Variants in EPB41L2 observed in about 807,000 individuals in gnomAD.
The protein encoded by EPB41L2 is erythrocyte membrane protein band 4.1 like 2, also known as band 4.1-like protein 2.
In EPB41L2, 43 loss-of-function variants were observed where a neutral mutation model predicts 113.0. The ratio of observed to expected loss-of-function variants is 0.38; its 90% CI spans 0.30 to 0.49. EPB41L2 has a LOEUF of 0.49. Ranked by LOEUF, EPB41L2 falls within the 20% of genes least tolerant of loss-of-function variation. The pLI is 0.95. For synonymous variants in EPB41L2, 442 were observed against 436.7 expected, an observed-to-expected ratio of 1.01 and a Z score of -0.15; for missense variants, 1,147 against 1,223.4, an observed-to-expected ratio of 0.94 and a Z score of 0.93.
At chr6:131,023,127 A>C in intron 1 of EPB41L2, among the ~76,000 whole-genome samples, 1 of 152,362 alleles carries the variant, frequency 6.6e-6, no homozygotes, top group East Asian at 1.9e-4. Context: ...AATTTTACAT[A>C]AAGTTTCATA....
chr6:130,862,801 T>C (rs1782572534), intron 18 of EPB41L2, among the ~76,000 whole-genome samples: 2 of 152,190 alleles, frequency 1.3e-5, no homozygotes, highest in South Asian at 4.1e-4. Context: ...GGAATTTTGT[T>C]CTCTAAAATT....
At chr6:130,879,347 T>C (rs567649425) in intron 13 of EPB41L2, among the ~76,000 whole-genome samples, 2 of 152,318 alleles carry the variant, frequency 1.3e-5, no homozygotes, top group South Asian at 4.1e-4. Context: ...CAAAGCAATG[T>C]TACTTATTAC....
rs371088370 is a variant in EPB41L2, at chr6:130,924,201, T to C, written c.810+2404A>G. 1.9e-3 allele frequency among the ~76,000 whole-genome samples: 294 copies of C among 152,338 alleles called. 7 individuals are homozygous for C. The South Asian group carries it at 0.058, about 30-fold the overall frequency. On this transcript the variant is annotated intron_variant, in intron 4 of 19. Transcript: ENST00000337057. ...TAGGTATTGATATGTACATACATAT[T>C]CCATTGTATGTATACACCACATTTT...
At chr6:130,961,432 A>C (rs1256716594) in intron 1 of EPB41L2, among the ~76,000 whole-genome samples, 2 of 152,228 alleles carry the variant, frequency 1.3e-5, no homozygotes, top group East Asian at 3.8e-4. Context: ...TGTGTTACAT[A>C]AACCCATTCT....
chr6:130,844,788 A>G (rs1776491394), intron 19 of EPB41L2, among the ~76,000 whole-genome samples: 1 of 152,118 alleles, frequency 6.6e-6, no homozygotes, highest in Non-Finnish European at 1.5e-5. Flanking sequence ...CACTCCTGTA[A>G]TCCCAGCACT....
intron 1 of EPB41L2, among the ~76,000 whole-genome samples, chr6:131,007,356 A>G (rs1490462357): frequency 1.3e-5 from 2 of 152,220 alleles, no homozygotes; most frequent in Non-Finnish European, 2.9e-5. Flanking sequence ...AGGCTTCCCC[A>G]GCCAAATGGA....
At chr6:130,977,442 T>C (rs1472148799) in intron 1 of EPB41L2, among the ~76,000 whole-genome samples, 1 of 152,068 alleles carries the variant, frequency 6.6e-6, no homozygotes, top group Non-Finnish European at 1.5e-5. Context: ...TGTAGCAAAC[T>C]GTCCTGCCTG....
At chr6:130,887,299 T>C (rs908648874) in intron 11 of EPB41L2, among the ~76,000 whole-genome samples, 6 of 152,350 alleles carry the variant, frequency 3.9e-5, no homozygotes, top group East Asian at 1.9e-4. Context: ...AAATGGCTAA[T>C]TGGCCTACTC....
intron 1 of EPB41L2, among the ~76,000 whole-genome samples, chr6:131,013,261 T>TAA (rs1254615085): frequency 6.6e-6 from 1 of 151,178 alleles, no homozygotes; most frequent in African/African-American, 2.4e-5. Context: ...TATATATATA[T>TAA]AAGACCCAAT....
intron 1 of EPB41L2, among the ~76,000 whole-genome samples, chr6:130,998,582 T>A (rs1783669223): frequency 6.6e-6 from 1 of 152,196 alleles, no homozygotes; most frequent in Non-Finnish European, 1.5e-5. Context: ...TATTCCTCAC[T>A]TTATCTGAGG....
intron 1 of EPB41L2, among the ~76,000 whole-genome samples, chr6:131,043,650 ATG>A (rs1794866122): frequency 6.6e-6 from 1 of 152,218 alleles, no homozygotes; most frequent in South Asian, 2.1e-4. Context: ...CACAATCGCA[ATG>A]TATGTACCTA....
At chr6:131,030,942 A>C (rs539789284) in intron 1 of EPB41L2, among the ~76,000 whole-genome samples, 62 of 152,108 alleles carry the variant, frequency 4.1e-4, no homozygotes, top group African/African-American at 1.4e-3. Flanking sequence ...TACAAAAATT[A>C]GCAAGGCATG....
Position 130,899,548 on chromosome 6 carries a change from C to G in EPB41L2, c.1179G>C (p.Gln393His). 1 of 1,613,930 alleles carries G rather than the reference C, an allele frequency of 6.2e-7. No homozygotes were observed. Among genetic ancestry groups the G allele is most frequent in the Non-Finnish European group, 8.5e-7 (1 of 1,179,848 alleles). Residue 393 changes from glutamine (Q) to histidine (H), a missense_variant, in exon 8 of 20, where the codon CAG becomes CAC. Coordinates refer to ENST00000337057, the MANE Select transcript of EPB41L2 (RefSeq NM_001431.4). ...RGLSPAQADSQFLENAKRLSM... is the reference protein window; with the variant it reads ...RGLSPAQADSHFLENAKRLSM... ...AAAGCCTCTTTGCATTTTCTAAGAACTGGGAATCAGCTTGTGCTGGCGATA... is the reference window on the plus strand; with the variant it reads ...AAAGCCTCTTTGCATTTTCTAAGAAGTGGGAATCAGCTTGTGCTGGCGATA...
chr6:131,032,850 C>CA (rs928090981), intron 1 of EPB41L2, among the ~76,000 whole-genome samples: 4 of 151,586 alleles, frequency 2.6e-5, no homozygotes, highest in Non-Finnish European at 4.4e-5. Context: ...CTAACAATAA[C>CA]AAAAAAAAAT....
At chr6:130,903,965 G>A (rs529970211) in intron 6 of EPB41L2, among the ~76,000 whole-genome samples, 2 of 152,292 alleles carry the variant, frequency 1.3e-5, no homozygotes, top group East Asian at 1.9e-4. Flanking sequence ...CCAAGGAGAT[G>A]GAAATGAACT....
chr6:130,943,757 C>T (rs1417270522), intron 3 of EPB41L2, among the ~76,000 whole-genome samples: 3 of 152,144 alleles, frequency 2.0e-5, no homozygotes, highest in Non-Finnish European at 4.4e-5. Flanking sequence ...GCCTATCATT[C>T]TTTAGTTTCC....
intron 1 of EPB41L2, among the ~76,000 whole-genome samples, chr6:130,962,706 T>C (rs369093840): frequency 2.8e-4 from 42 of 152,340 alleles, no homozygotes; most frequent in South Asian, 2.1e-3. Context: ...AGTTCAAGTC[T>C]AGATGGGATC....
At chr6:130,866,119 G>A (rs1010195163) in intron 16 of EPB41L2, among the ~76,000 whole-genome samples, 13 of 152,198 alleles carry the variant, frequency 8.5e-5, no homozygotes, top group East Asian at 1.9e-4. Flanking sequence ...TACCTCTAGC[G>A]ATTGTTTTCA....
chr6:130,904,178 T>C (rs557503339), intron 6 of EPB41L2, among the ~76,000 whole-genome samples: 4 of 152,278 alleles, frequency 2.6e-5, no homozygotes, highest in South Asian at 4.1e-4. Flanking sequence ...AAATATTAAA[T>C]ATTAGTGACT....
Sources: allele counts gnomAD v4.1 joint callset (sites outside exome capture counted in the v4.1 genomes callset), GRCh38; gene constraint gnomAD v4.1.1; transcripts MANE v1.5; gene names NCBI Gene and HGNC (gene_info 2026-07-23, HGNC 2026-07-21).